The following APBB1 variants were observed in gnomAD, a reference collection of about 807,000 sequenced individuals.
APBB1 encodes the protein amyloid beta precursor protein binding family B member 1.
A neutral mutation model predicts 78.4 loss-of-function variants in APBB1; 22 were observed. The ratio of observed to expected loss-of-function variants is 0.28; its 90% CI spans 0.20 to 0.40. APBB1 has a LOEUF of 0.40. Among genes scored for constraint, APBB1 ranks in the 10% least tolerant of loss-of-function variants. The pLI is 1.00. For synonymous variants in APBB1, 369 were observed against 372.7 expected, an observed-to-expected ratio of 0.99 and a Z score of 0.12; for missense variants, 749 against 932.4, an observed-to-expected ratio of 0.80 and a Z score of 2.56.
At chr11:6,405,073 T>G in intron 2 of APBB1, 33 of 1,358,936 alleles carry the variant, frequency 2.4e-5, no homozygotes, top group East Asian at 8.6e-5. Flanking sequence ...ACACCTCTTC[T>G]TCCTCGCCCT....
intron 1 of APBB1, among the ~76,000 whole-genome samples, chr11:6,418,048 G>A (rs933238419): frequency 1.3e-5 from 2 of 152,186 alleles, no homozygotes; most frequent in Non-Finnish European, 2.9e-5. Context: ...TTTGGGAGTA[G>A]ATAAAATATC....
intron 12 of APBB1, among the ~76,000 whole-genome samples, chr11:6,400,735 A>C (rs896166884): frequency 2.0e-5 from 3 of 152,118 alleles, no homozygotes; most frequent in Non-Finnish European, 4.4e-5. Context: ...GGGATGAAGG[A>C]GTGGGGTCTC....
intron 1 of APBB1, among the ~76,000 whole-genome samples, chr11:6,414,063 C>T (rs1200798867): frequency 6.6e-6 from 1 of 151,858 alleles, no homozygotes; most frequent in Non-Finnish European, 1.5e-5. Flanking sequence ...TCGGATAACG[C>T]CTGCACTCGT....
intron 12 of APBB1, among the ~76,000 whole-genome samples, chr11:6,399,587 A>T (rs1848393211): frequency 1.3e-5 from 2 of 152,212 alleles, no homozygotes; most frequent in Admixed American, 1.3e-4. Flanking sequence ...ACTGGCCAGG[A>T]CTACAGCAAG....
intron 1 of APBB1, among the ~76,000 whole-genome samples, chr11:6,415,631 G>A (rs1849100346): frequency 6.6e-6 from 1 of 152,080 alleles, no homozygotes; most frequent in African/African-American, 2.4e-5. Context: ...CTCTCCATTG[G>A]CCACCCGTCT....
intron 2 of APBB1, among the ~76,000 whole-genome samples, chr11:6,410,110 C>G (rs1329132143): frequency 1.3e-5 from 2 of 151,832 alleles, no homozygotes; most frequent in Non-Finnish European, 2.9e-5. Flanking sequence ...GCCGACTGTC[C>G]CAAGTGCACC....
In APBB1 at chr11:6,411,215, C is replaced by G. The variant is rs200152007; in HGVS notation, c.133G>C (p.Val45Leu). The change falls in exon 2 of 15, where the codon GTG becomes CTG. Residue 45 changes from valine to leucine, a missense_variant. This residue lies in a region of APBB1 where 635 missense variants were observed against 765.0 expected (regional missense o/e 0.83). Coordinates refer to ENST00000609360, the MANE Select transcript of APBB1 (RefSeq NM_001164.5). This position sits in a 1 kb window ranked among gnomAD's most constrained non-coding sequence, Gnocchi z 5.2. Reference protein sequence around the residue: ...LLNAKLQATAVGPKDLRSAMG... With the variant: ...LLNAKLQATALGPKDLRSAMG... The stretch of plus-strand genomic sequence containing the variant: ...GCGCTGCGCAGGTCCTTGGGTCCCA[C>G]AGCTGTGGCCTGCAGCTTGGCGTTG... 1.2e-6 allele frequency: 2 copies of G among 1,607,362 alleles called. No individual in the cohort carries two copies. Among genetic ancestry groups the G allele is most frequent in the East Asian group, 2.2e-5 (1 of 44,810 alleles).
chr11:6,402,893 C>T, intron 6 of APBB1, 168 bp from the exon 7 acceptor site: 3 of 865,678 alleles, frequency 3.5e-6, no homozygotes, highest in African/African-American at 3.6e-5. Context: ...AGGGAGATGT[C>T]AGATGAGACC....
chr11:6,405,239 T>C (rs994954181), intron 2 of APBB1: 1 of 1,017,718 alleles, frequency 9.8e-7, no homozygotes. Context: ...TCAGCATAAA[T>C]AGGGTGTGGT....
At chr11:6,412,777 G>C (rs1849004097) in intron 1 of APBB1, among the ~76,000 whole-genome samples, 1 of 152,056 alleles carries the variant, frequency 6.6e-6, no homozygotes, top group Non-Finnish European at 1.5e-5. Flanking sequence ...ATTTCCTCCA[G>C]GCTTCGCTTT....
chr11:6,411,561 G>T lies in APBB1; in HGVS notation c.-14-200C>A, dbSNP rs990532779. Among the ~76,000 whole-genome samples, 1 of 152,106 alleles carries T rather than the reference G, an allele frequency of 6.6e-6. No homozygotes were observed. The highest frequency in any genetic ancestry group is 1.9e-4 in the East Asian group (1 of 5,190). On this transcript the variant is annotated intron_variant, in intron 1 of 14. Coordinates refer to ENST00000609360, the MANE Select transcript of APBB1 (RefSeq NM_001164.5). The surrounding 1 kb of genome is among the most constrained non-coding windows in gnomAD (Gnocchi z 5.2). Reference sequence around the variant, plus strand: ...CATCCCCATCACAGTCCAGGCCCAGGTCTGAGGCCCACCCCATCCCTATAT... The same window carrying T: ...CATCCCCATCACAGTCCAGGCCCAGTTCTGAGGCCCACCCCATCCCTATAT...
rs772528055 is a variant in APBB1, at chr11:6,402,683, C to G, written c.1147G>C (p.Glu383Gln). The G allele has an allele frequency of 6.2e-7, 1 of 1,614,170 alleles. No homozygotes were observed. Among genetic ancestry groups the G allele is most frequent in the African/African-American group, 1.3e-5 (1 of 75,026 alleles). ...RSLGWVEMTE[E>Q]ELAPGRSSVA... ...CTGCTGCGTCCAGGGGCCAGCTCCT[C>G]CTCGGTCATCTCTACCCAGCCTAGG... The change falls in exon 7 of 15, where the codon GAG becomes CAG. Residue 383 changes from glutamate to glutamine, a missense_variant. Glu to Gln is a conservative substitution (Grantham distance 29, BLOSUM62 2). Around this residue, in one of 3 missense-constraint regions of APBB1, gnomAD observed 635 missense variants for 765.0 expected, o/e 0.83. Coordinates refer to ENST00000609360, the MANE Select transcript of APBB1 (RefSeq NM_001164.5).
At position 6,401,872 on chromosome 11, in the gene APBB1, T is replaced by A; in HGVS notation, c.1388+105A>T. 1.3e-6 allele frequency: 2 copies of A among 1,492,608 alleles called. No homozygotes were observed. The highest frequency in any genetic ancestry group is 1.8e-6 in the Non-Finnish European group (2 of 1,098,422). The allele number at this position is 1,492,608 out of a possible 1,614,324, so 92.5% of individuals were successfully genotyped here. On this transcript the variant is annotated intron_variant, in intron 9 of 14. Coordinates refer to ENST00000609360, the MANE Select transcript of APBB1 (RefSeq NM_001164.5). This position sits in a 1 kb window ranked among gnomAD's most constrained non-coding sequence, Gnocchi z 4.5. ...CAGGCAAGCATGCTGAGGTGGAGGG[T>A]AATGGTGGAGCATAGCGGGTGGGAA... is the stretch of plus-strand genomic sequence containing the variant.
At position 6,401,264 on chromosome 11, in the gene APBB1, T is replaced by A; in HGVS notation, c.1588+81A>T. 6.2e-7 allele frequency: 1 copy of A among 1,612,650 alleles called. No individual in the cohort carries two copies. On this transcript the variant is annotated intron_variant, in intron 11 of 14. Coordinates refer to ENST00000609360, the MANE Select transcript of APBB1 (RefSeq NM_001164.5). This position sits in a 1 kb window ranked among gnomAD's most constrained non-coding sequence, Gnocchi z 4.5. Reference sequence around the variant, plus strand: ...TGTGTTCATTTTTCTATCAGCGCTGTCCAGGAGCTCATGCCTTTCCTTGGG... The same window carrying A: ...TGTGTTCATTTTTCTATCAGCGCTGACCAGGAGCTCATGCCTTTCCTTGGG...
Position 6,411,354 on chromosome 11 carries a change from G to A in APBB1, c.-7C>T. 2.0e-6 allele frequency: 3 copies of A among 1,530,386 alleles called. No homozygotes were observed. Among genetic ancestry groups the A allele is most frequent in the Non-Finnish European group, 2.6e-6 (3 of 1,140,228 alleles). The allele number at this position is 1,530,386 out of a possible 1,614,324, so 94.8% of individuals were successfully genotyped here. ...GTGATGATGGAACAGACATGGCCTT[G>A]GCAGCTCCTGTGGGGTGCGGAGGGG... On this transcript the variant is annotated 5_prime_UTR_variant, in exon 2 of 15. Coordinates refer to ENST00000609360, the MANE Select transcript of APBB1 (RefSeq NM_001164.5). The surrounding 1 kb of genome is among the most constrained non-coding windows in gnomAD (Gnocchi z 5.2).
At chr11:6,402,794 A>G in intron 6 of APBB1, 69 bp from the exon 7 acceptor site, 1 of 1,583,262 alleles carries the variant, frequency 6.3e-7, no homozygotes, top group African/African-American at 1.3e-5. Flanking sequence ...CTGACTACAG[A>G]GTGTGGCAGG....
chr11:6,410,565 T>TA, intron 2 of APBB1, 62 bp downstream of exon 2: 1 of 1,432,244 alleles, frequency 7.0e-7, no homozygotes, highest in Non-Finnish European at 9.4e-7. Flanking sequence ...GGCCTCTGTA[T>TA]GAGAGTCCTA....
Position 6,395,288 on chromosome 11 carries a change from C to T in APBB1, c.*246G>A. 1 of 402,880 alleles carries T rather than the reference C, an allele frequency of 2.5e-6. No homozygotes were observed. The highest frequency in any genetic ancestry group is 4.4e-6 in the Non-Finnish European group (1 of 227,270). 25.0% of individuals were successfully genotyped at this position (402,880 alleles called of 1,614,324 possible). On this transcript the variant is annotated 3_prime_UTR_variant, in exon 15 of 15. Transcript: ENST00000609360. The surrounding 1 kb of genome is among the most constrained non-coding windows in gnomAD (Gnocchi z 5.2). ...AGTTCCTCCTGTTCCACCTGAAACA[C>T]ATGGGGATGGAGAACCAGGGCTGGC...
At chr11:6,399,986 A>G (rs1456904459) in intron 12 of APBB1, among the ~76,000 whole-genome samples, 1 of 151,862 alleles carries the variant, frequency 6.6e-6, no homozygotes, top group Non-Finnish European at 1.5e-5. Flanking sequence ...GTCTTTTACA[A>G]CCTCAGACTA....
Sources: gnomAD v4.1 joint callset for allele counts (sites outside exome capture counted in the v4.1 genomes callset) on GRCh38, gnomAD v4.1.1 for gene constraint, gnomAD v4.1.1 regional missense constraint, Gnocchi (gnomAD v3.1) non-coding constraint, MANE v1.5 for transcripts, NCBI Gene and HGNC (gene_info 2026-07-23, HGNC 2026-07-21) for gene names.